Variants in JAK2 observed in about 807,000 individuals in gnomAD.
The protein encoded by JAK2 is Janus kinase 2.
Under a neutral mutation model 139.3 loss-of-function variants are expected in JAK2, and 86 were observed. The observed-to-expected ratio is 0.62, with a 90% CI of 0.52 to 0.74. The LOEUF is 0.74. Among genes scored for constraint, JAK2 ranks in the 30% least tolerant of loss-of-function variants. JAK2 has a pLI of 0.00. For missense variants in JAK2, 1,421 were observed against 1,360.3 expected, an observed-to-expected ratio of 1.04 and a Z score of -0.70; for synonymous variants, 490 against 437.7, an observed-to-expected ratio of 1.12 and a Z score of -1.49.
intron 22 of JAK2, among the ~76,000 whole-genome samples, chr9:5,105,889 T>C (rs1461662171): frequency 6.6e-6 from 1 of 152,228 alleles, no homozygotes; most frequent in Non-Finnish European, 1.5e-5. Context: ...GATCCCTTCC[T>C]TACACCTTAT....
intron 24 of JAK2, 47 bp downstream of exon 24, chr9:5,126,493 T>C (rs1001612240): frequency 2.3e-6 from 3 of 1,319,094 alleles, no homozygotes; most frequent in Non-Finnish European, 3.2e-6. Flanking sequence ...TTTCTTTTAC[T>C]TTTTACTCAA....
rs1245419308 is a variant in JAK2 at position 5,060,099 on chromosome 9, TAC to T, written c.1056+4312_1056+4313del. On this transcript the variant is annotated intron_variant, in intron 8 of 24. Coordinates refer to ENST00000381652, the MANE Select transcript of JAK2 (RefSeq NM_004972.4). ...GTTATGTTTACACTATAATCAAGTC[TAC>T]TAAGTGTGCAACAGCATTATGTCTT... 3.3e-5 allele frequency among the ~76,000 whole-genome samples: 5 copies of T among 152,110 alleles called. No individual in the cohort carries two copies. The East Asian group carries it at 9.6e-4, about 29-fold the overall frequency.
At chr9:5,112,371 C>G in intron 22 of JAK2, 2 of 400,114 alleles carry the variant, frequency 5.0e-6, no homozygotes, top group East Asian at 5.4e-5. Flanking sequence ...CTAGGGCGAG[C>G]AGGCCACTGG....
At chr9:5,114,548 C>A (rs1034725707) in intron 22 of JAK2, 26 of 480,246 alleles carry the variant, frequency 5.4e-5, no homozygotes, top group African/African-American at 3.9e-4. Context: ...ACAAGCGCAC[C>A]CTCACCTGCC....
chr9:5,077,426 A>G, intron 14 of JAK2, 27 bp from the exon 15 acceptor site: 1 of 836,730 alleles, frequency 1.2e-6, no homozygotes, highest in East Asian at 3.4e-5. Flanking sequence ...CTTAAGCCTT[A>G]TTATTATTAC....
At chr9:5,052,338 C>G (rs1817472196) in intron 6 of JAK2, among the ~76,000 whole-genome samples, 1 of 152,024 alleles carries the variant, frequency 6.6e-6, no homozygotes, top group Admixed American at 6.6e-5. Context: ...TATTTAGTAA[C>G]TATTTATCTG....
In JAK2 at chr9:5,017,363, A is replaced by G. The variant is rs189736539; in HGVS notation, c.-25-4600A>G. ...AAGTCAGTGGTGGGCACAAACTGAT[A>G]AAATTCTAGCAAATTTACTCCTTAA... On this transcript the variant is annotated intron_variant, in intron 2 of 24. Transcript: ENST00000381652. 4.6e-5 allele frequency among the ~76,000 whole-genome samples: 7 copies of G among 152,344 alleles called. No individual in the cohort carries two copies. In the East Asian group the frequency reaches 1.2e-3, roughly 25 times the overall value.
chr9:4,999,821 A>G (rs1351269588), intron 2 of JAK2, among the ~76,000 whole-genome samples: 1 of 152,188 alleles, frequency 6.6e-6, no homozygotes, highest in East Asian at 1.9e-4. Context: ...CTTTAATGTC[A>G]TTAATTTTTT....
intron 6 of JAK2, among the ~76,000 whole-genome samples, chr9:5,052,705 T>TATAAATAG (rs1164431584): frequency 1.3e-5 from 2 of 152,102 alleles, no homozygotes; most frequent in African/African-American, 4.8e-5. Context: ...TGGATTTTCC[T>TATAAATAG]GTCTCAAACA....
intron 22 of JAK2, chr9:5,100,951 C>A (rs962016423): frequency 2.6e-5 from 4 of 152,286 alleles, no homozygotes; most frequent in African/African-American, 9.7e-5. Flanking sequence ...CAGTCTGCAG[C>A]TCCCAGCATG....
intron 4 of JAK2, among the ~76,000 whole-genome samples, chr9:5,031,876 C>T (rs754884542): frequency 2.0e-5 from 3 of 152,162 alleles, no homozygotes; most frequent in Non-Finnish European, 4.4e-5. Context: ...TGAGGTGTAC[C>T]GGGTTCGTCT....
At chr9:5,046,428 A>G (rs950739975) in intron 5 of JAK2, among the ~76,000 whole-genome samples, 14 of 152,030 alleles carry the variant, frequency 9.2e-5, no homozygotes, top group African/African-American at 3.4e-4. Context: ...TAATTTATCT[A>G]TTTTTTGTTT....
chr9:5,089,394 T>C (rs1196837784), intron 19 of JAK2, among the ~76,000 whole-genome samples: 2 of 151,900 alleles, frequency 1.3e-5, no homozygotes, highest in Non-Finnish European at 2.9e-5. Context: ...AAAAATTAGC[T>C]GGGCGTATTG....
intron 23 of JAK2, among the ~76,000 whole-genome samples, chr9:5,125,127 C>A: frequency 6.6e-6 from 1 of 151,130 alleles, no homozygotes; most frequent in Non-Finnish European, 1.5e-5. Context: ...AAAATCATCT[C>A]TAATGCAATT....
At chr9:5,126,517 C>G in intron 24 of JAK2, 71 bp downstream of exon 24, 1 of 1,112,370 alleles carries the variant, frequency 9.0e-7, no homozygotes, top group Non-Finnish European at 1.3e-6. Context: ...CTTCAGTTCA[C>G]TTCCTGAAAT....
intron 2 of JAK2, among the ~76,000 whole-genome samples, chr9:5,009,754 T>G (rs1821562498): frequency 6.6e-6 from 1 of 152,102 alleles, no homozygotes; most frequent in South Asian, 2.1e-4. Flanking sequence ...TTCCTCTGTG[T>G]ATTTTTTTTC....
intron 2 of JAK2, among the ~76,000 whole-genome samples, chr9:5,000,804 G>C (rs1398223722): frequency 6.6e-6 from 1 of 152,122 alleles, no homozygotes; most frequent in Non-Finnish European, 1.5e-5. Flanking sequence ...GTAAGAACTG[G>C]ATAAAGAAGG....
chr9:5,025,129 T>G (rs763056724), intron 3 of JAK2, among the ~76,000 whole-genome samples: 2 of 152,178 alleles, frequency 1.3e-5, no homozygotes, highest in Admixed American at 1.3e-4. Context: ...ATTCTGACAG[T>G]TTTTACTCAT....
chr9:5,097,431 G>GT (rs1410734854), intron 22 of JAK2: 6 of 152,016 alleles, frequency 3.9e-5, no homozygotes, highest in African/African-American at 1.5e-4. Context: ...ATGTCGTGAC[G>GT]TATTACTCTG....
Sources: gnomAD v4.1 joint callset for allele counts (sites outside exome capture counted in the v4.1 genomes callset) on GRCh38, gnomAD v4.1.1 for gene constraint, MANE v1.5 for transcripts, NCBI Gene and HGNC (gene_info 2026-07-23, HGNC 2026-07-21) for gene names.